Variants in SPATA16 observed in about 807,000 individuals in gnomAD.
The protein encoded by SPATA16 is spermatogenesis associated 16.
In SPATA16, 36 loss-of-function variants were observed where a neutral mutation model predicts 63.3. The ratio of observed to expected loss-of-function variants is 0.57; its 90% confidence interval spans 0.44 to 0.75. The LOEUF is 0.75. SPATA16 is among the 30% of genes least tolerant of loss of function. The probability of loss-of-function intolerance (pLI) is 0.00; values close to 1 mark genes in which losing one functional copy is unlikely to be tolerated. For synonymous variants in SPATA16, 203 were observed against 216.7 expected, an observed-to-expected ratio of 0.94 and a Z score of 0.56; for missense variants, 646 against 679.3, an observed-to-expected ratio of 0.95 and a Z score of 0.54.
chr3:172,916,576 A>G (rs1577088194), intron 8 of SPATA16, 95 bp from the exon 9 acceptor site: 1 of 1,304,602 alleles, frequency 7.7e-7, no homozygotes, highest in East Asian at 2.3e-5. Context: ...ACGTATTTAC[A>G]TCTTTTGAAA....
chr3:172,896,501 G>T (rs1403530222), intron 10 of SPATA16, among the ~76,000 whole-genome samples: 1 of 152,172 alleles, frequency 6.6e-6, no homozygotes, highest in Non-Finnish European at 1.5e-5. Context: ...GATTACAGGC[G>T]TGAGCCACCG....
At chr3:173,011,661 C>T (rs1204575843) in intron 4 of SPATA16, among the ~76,000 whole-genome samples, 1 of 152,162 alleles carries the variant, frequency 6.6e-6, no homozygotes, top group African/African-American at 2.4e-5. Context: ...AAAAAGAAGT[C>T]AGATTATCTC....
chr3:173,004,727 T>C (rs1734902049), intron 4 of SPATA16, among the ~76,000 whole-genome samples: 1 of 152,210 alleles, frequency 6.6e-6, no homozygotes, highest in Non-Finnish European at 1.5e-5. Flanking sequence ...CGACAATAGC[T>C]CATTTTTAAA....
At chr3:172,927,426 C>A (rs1449832922) in intron 6 of SPATA16, among the ~76,000 whole-genome samples, 1 of 152,146 alleles carries the variant, frequency 6.6e-6, no homozygotes, top group Non-Finnish European at 1.5e-5. Flanking sequence ...AAACACAGAG[C>A]AAAAACATCT....
intron 3 of SPATA16, among the ~76,000 whole-genome samples, chr3:173,042,118 GAAACTGTGATTGATAACACCCCAA>G (rs1342510688): frequency 3.3e-5 from 5 of 151,954 alleles, no homozygotes; most frequent in African/African-American, 1.2e-4. Context: ...AATTATCCAC[GAAACTGTGATTGATAACACCCCAA>G]AAGCTGTATT....
chr3:172,976,564 A>G (rs1160105561), intron 5 of SPATA16, among the ~76,000 whole-genome samples: 3 of 152,162 alleles, frequency 2.0e-5, no homozygotes, highest in Non-Finnish European at 4.4e-5. Context: ...GTAAACAAAT[A>G]CATCTGATCT....
chr3:173,095,919 A>T (rs182174573), intron 2 of SPATA16, among the ~76,000 whole-genome samples: 4 of 152,246 alleles, frequency 2.6e-5, no homozygotes, highest in Admixed American at 2.6e-4. Context: ...GAGAAATGAC[A>T]TTAGACTTGG....
At chr3:172,973,325 C>T (rs1186738347) in intron 5 of SPATA16, among the ~76,000 whole-genome samples, 1 of 151,918 alleles carries the variant, frequency 6.6e-6, no homozygotes, top group African/African-American at 2.4e-5. Context: ...ATTAGATTCT[C>T]AGAGGGGTCT....
At chr3:172,991,496 T>C (rs1159068736) in intron 4 of SPATA16, among the ~76,000 whole-genome samples, 1 of 152,124 alleles carries the variant, frequency 6.6e-6, no homozygotes, top group African/African-American at 2.4e-5. Flanking sequence ...CTATGAGATA[T>C]ATATTTTCTT....
At chr3:173,088,068 TTCTTTCTTTCTG>T (rs1737119361) in intron 2 of SPATA16, among the ~76,000 whole-genome samples, 10 of 130,820 alleles carry the variant, frequency 7.6e-5, no homozygotes, top group African/African-American at 1.8e-4. Flanking sequence ...CTTTCTTTCT[TTCTTTCTTTCTG>T]TCTTTTCTTT....
chr3:173,118,594 T>C lies in SPATA16; in HGVS notation c.-18-845A>G, dbSNP rs193100969. ...GGTTGATTCCTATCTTTTAGGACTC[T>C]TTCTTTTCACCTATCACATTCTATT... On this transcript the variant is annotated intron_variant, in intron 1 of 10. Transcript: ENST00000351008. 1.7e-3 allele frequency among the ~76,000 whole-genome samples: 266 copies of C among 152,350 alleles called. 1 individual carries two copies. Among genetic ancestry groups the C allele is most frequent in the African/African-American group, 6.1e-3 (255 of 41,572 alleles).
At chr3:173,012,766 C>A (rs925334306) in intron 4 of SPATA16, among the ~76,000 whole-genome samples, 2 of 152,114 alleles carry the variant, frequency 1.3e-5, no homozygotes, top group African/African-American at 4.8e-5. Context: ...TCACCATACA[C>A]AAAAATTAAC....
At chr3:173,058,646 C>CT (rs1180031318) in intron 2 of SPATA16, among the ~76,000 whole-genome samples, 1 of 152,116 alleles carries the variant, frequency 6.6e-6, no homozygotes, top group Non-Finnish European at 1.5e-5. Flanking sequence ...AAATCAATTA[C>CT]TAGCTCAGTC....
At chr3:173,071,674 A>C (rs1660416679) in intron 2 of SPATA16, among the ~76,000 whole-genome samples, 1 of 152,252 alleles carries the variant, frequency 6.6e-6, no homozygotes, top group Non-Finnish European at 1.5e-5. Context: ...TCAAAAGAAG[A>C]CATGCAAATG....
chr3:173,049,193 G>C (rs1314629220), intron 2 of SPATA16, 99 bp from the exon 3 acceptor site: 2 of 1,299,182 alleles, frequency 1.5e-6, no homozygotes, highest in East Asian at 2.5e-5. Context: ...TATATGTTTT[G>C]CTTATGCTTG....
chr3:173,104,694 G>A (rs1737579010), intron 2 of SPATA16, among the ~76,000 whole-genome samples: 1 of 152,144 alleles, frequency 6.6e-6, no homozygotes, highest in Non-Finnish European at 1.5e-5. Context: ...TTACATCTCT[G>A]CATGAGATTT....
At chr3:173,061,747 A>G (rs1736384411) in intron 2 of SPATA16, among the ~76,000 whole-genome samples, 1 of 152,236 alleles carries the variant, frequency 6.6e-6, no homozygotes, top group South Asian at 2.1e-4. Flanking sequence ...GGAATGAATC[A>G]GCAAGCTCAT....
chr3:173,050,778 A>C (rs1736069027), intron 2 of SPATA16, among the ~76,000 whole-genome samples: 1 of 152,220 alleles, frequency 6.6e-6, no homozygotes, highest in African/African-American at 2.4e-5. Flanking sequence ...TTTTGAAAAA[A>C]ATTAGCAAAG....
At chr3:172,925,228 T>C (rs1014745388) in intron 7 of SPATA16, 118 bp downstream of exon 7, 1 of 1,144,096 alleles carries the variant, frequency 8.7e-7, no homozygotes, top group Non-Finnish European at 1.3e-6. Flanking sequence ...ATTCCAGGTA[T>C]TGTTAACTAA....
Sources: gnomAD v4.1 joint callset for allele counts (sites outside exome capture counted in the v4.1 genomes callset) on GRCh38, gnomAD v4.1.1 for gene constraint, MANE v1.5 for transcripts, NCBI Gene and HGNC (gene_info 2026-07-23, HGNC 2026-07-21) for gene names.